VPS26B: variants seen among roughly 807,000 people sequenced by gnomAD.
The protein encoded by VPS26B is VPS26 retromer complex component B, also known as vacuolar protein sorting-associated protein 26B.
In VPS26B, 10 loss-of-function variants were observed where a neutral mutation model predicts 33.3. The observed-to-expected ratio is 0.30, with a 90% CI of 0.19 to 0.51. VPS26B has a LOEUF of 0.51. Among genes scored for constraint, VPS26B ranks in the 20% least tolerant of loss-of-function variants. The pLI, the probability that VPS26B is intolerant of heterozygous loss-of-function variation, is 0.98. For synonymous variants in VPS26B, 190 were observed against 176.9 expected (o/e 1.07, Z -0.59); for missense variants, 317 against 452.7 (o/e 0.70, Z 2.72).
intron 1 of VPS26B, among the ~76,000 whole-genome samples, chr11:134,231,357 G>A (rs995290070): frequency 2.6e-5 from 4 of 152,170 alleles, no homozygotes; most frequent in African/African-American, 9.7e-5. Context: ...ATTAAGATGA[G>A]GTGGATTGAT....
At chr11:134,232,166 C>T (rs34536650) in intron 1 of VPS26B, among the ~76,000 whole-genome samples, 5,717 of 149,130 alleles carry the variant, frequency 0.038, 121 homozygotes, top group Non-Finnish European at 0.051. Context: ...TAGCCTGACA[C>T]GTCTGGTCCC....
At position 134,244,843 on chromosome 11, in the gene VPS26B, A is replaced by G; in HGVS notation, c.722-95A>G. On this transcript the variant is annotated intron_variant, in intron 4 of 5. Coordinates refer to ENST00000281187, the MANE Select transcript of VPS26B (RefSeq NM_052875.5). The surrounding 1 kb of genome is among the most constrained non-coding windows in gnomAD (Gnocchi z 4.0). ...GAAGGCTGAAGTGCTCGTGTGCTGC[A>G]CTCCAGTGGCATCTCTGCAGTGGTC... 2 of 1,478,018 alleles carry G rather than the reference A, an allele frequency of 1.4e-6. No individual in the cohort carries two copies. Among genetic ancestry groups the G allele is most frequent in the South Asian group, 1.4e-5 (1 of 73,566 alleles). 91.6% of individuals were successfully genotyped at this position (1,478,018 alleles called of 1,614,324 possible). A position where few individuals can be genotyped will look rare whatever the true frequency, so the allele number is the denominator to read the frequency against.
chr11:134,239,790 T>G (rs772822496), intron 2 of VPS26B: 5 of 597,086 alleles, frequency 8.4e-6, no homozygotes, highest in African/African-American at 1.9e-5. Context: ...TCCCTAGAAT[T>G]GTGGTTGAAA....
chr11:134,244,860 G>A lies in VPS26B; in HGVS notation c.722-78G>A. On this transcript the variant is annotated intron_variant, in intron 4 of 5. Transcript: ENST00000281187. The surrounding 1 kb of genome is among the most constrained non-coding windows in gnomAD (Gnocchi z 4.0). ...TGTGCTGCACTCCAGTGGCATCTCT[G>A]CAGTGGTCAGAGTGACCTGGTATAA... 6.5e-7 allele frequency: 1 copy of A among 1,540,954 alleles called. No individual in the cohort carries two copies. The highest frequency in any genetic ancestry group is 8.7e-7 in the Non-Finnish European group (1 of 1,148,000).
Position 134,245,772 on chromosome 11 carries a change from G to A in VPS26B, c.*182G>A. On this transcript the variant is annotated 3_prime_UTR_variant, in exon 6 of 6. Coordinates refer to ENST00000281187, the MANE Select transcript of VPS26B (RefSeq NM_052875.5). The surrounding 1 kb of genome is among the most constrained non-coding windows in gnomAD (Gnocchi z 4.7). ...GAACCCAAGGGGCTTGGGGTGGGAA[G>A]CAGTCTCTCCTTGGGATTCTGCGGC... 1.2e-6 allele frequency: 1 copy of A among 815,346 alleles called. No individual in the cohort carries two copies. Among genetic ancestry groups the A allele is most frequent in the Non-Finnish European group, 1.9e-6 (1 of 536,538 alleles). The allele number at this position is 815,346 out of a possible 1,614,324, so 50.5% of individuals were successfully genotyped here. A position where few individuals can be genotyped will look rare whatever the true frequency, so the allele number is the denominator to read the frequency against.
chr11:134,241,129 T>C (rs943032468), intron 3 of VPS26B, among the ~76,000 whole-genome samples: 11 of 152,180 alleles, frequency 7.2e-5, no homozygotes, highest in African/African-American at 2.7e-4. Flanking sequence ...TTCCTGAGAA[T>C]GTTTGGAACT....
rs1938859345 is a variant in VPS26B at position 134,247,591 on chromosome 11, C to G, written c.*2001C>G. On this transcript the variant is annotated 3_prime_UTR_variant, in exon 6 of 6. Transcript: ENST00000281187. ...AGTGAGGGGAGGCTCCTGTCCCCCT[C>G]TCTTAAGGTCCCCAAACCTGGGAGT... is the stretch of plus-strand genomic sequence containing the variant. 6.5e-6 allele frequency: 1 copy of G among 152,718 alleles called. No homozygotes were observed. The highest frequency in any genetic ancestry group is 6.5e-5 in the Admixed American group (1 of 15,280). 9.5% of individuals were successfully genotyped at this position (152,718 alleles called of 1,614,324 possible).
At chr11:134,230,775 A>T (rs540569537) in intron 1 of VPS26B, among the ~76,000 whole-genome samples, 1 of 152,304 alleles carries the variant, frequency 6.6e-6, no homozygotes, top group East Asian at 1.9e-4. Flanking sequence ...TCCTGAGACT[A>T]TAATATCTTA....
intron 2 of VPS26B, 114 bp downstream of exon 2, chr11:134,235,167 G>A: frequency 7.4e-7 from 1 of 1,358,674 alleles, no homozygotes; most frequent in Non-Finnish European, 1.0e-6. Context: ...AAGGAAGAGT[G>A]TCGCGAGCTG....
In VPS26B at chr11:134,234,968, A is replaced by G; in HGVS notation, c.295A>G (p.Ile99Val). ...GAAGGACCTGGCCCGGCCTGGAGAG[A>G]TCACCCAGTCGCAGGCCTTCGACTT... ...LVKDLARPGE[I>V]TQSQAFDFEF... Residue 99 changes from isoleucine (I) to valine (V), a missense_variant, in exon 2 of 6, where the codon ATC becomes GTC. By Grantham distance (29) the Ile-to-Val change is conservative (BLOSUM62 3). Transcript: ENST00000281187. 6.2e-7 allele frequency: 1 copy of G among 1,614,140 alleles called. No individual in the cohort carries two copies. The highest frequency in any genetic ancestry group is 8.5e-7 in the Non-Finnish European group (1 of 1,180,022).
chr11:134,240,682 T>C lies in VPS26B; in HGVS notation c.545+527T>C, dbSNP rs555533288. On this transcript the variant is annotated intron_variant, in intron 3 of 5. Transcript: ENST00000281187. The surrounding 1 kb of genome is among the most constrained non-coding windows in gnomAD (Gnocchi z 4.4). ...GCCCAGTCATGGCTTACTACAGCCT[T>C]GACCTCCTAGACTCAAGCATTTCTC... is the stretch of plus-strand genomic sequence containing the variant. 7.2e-5 allele frequency among the ~76,000 whole-genome samples: 11 copies of C among 152,278 alleles called. No homozygotes were observed. The South Asian group carries it at 2.3e-3, about 32-fold the overall frequency.
In VPS26B at chr11:134,244,324, C is replaced by A. The variant is rs1207985143; in HGVS notation, c.722-614C>A. ...CTGCCCTAATTTTGTTCCACTGATA[C>A]TAGAAACGGTCTGATGTTAGAGCTG... is the stretch of plus-strand genomic sequence containing the variant. On this transcript the variant is annotated intron_variant, in intron 4 of 5. Coordinates refer to ENST00000281187, the MANE Select transcript of VPS26B (RefSeq NM_052875.5). This position sits in a 1 kb window ranked among gnomAD's most constrained non-coding sequence, Gnocchi z 4.0. 1.3e-5 allele frequency: 2 copies of A among 152,236 alleles called. No individual in the cohort carries two copies. The highest frequency in any genetic ancestry group is 4.8e-5 in the African/African-American group (2 of 41,444). 9.4% of individuals were successfully genotyped at this position (152,236 alleles called of 1,614,324 possible).
At position 134,239,928 on chromosome 11, in the gene VPS26B, C is replaced by T. The variant is rs573993432; in HGVS notation, c.381-63C>T. 1.2e-5 allele frequency: 20 copies of T among 1,601,630 alleles called. No homozygotes were observed. In the East Asian group the frequency reaches 4.2e-4, roughly 34 times the overall value. ...TTCTCTCAAGTGGGCCAATTTGGTA[C>T]CTATATCTAGGTAGCATCTGGAGAC... On this transcript the variant is annotated intron_variant, in intron 2 of 5. Coordinates refer to ENST00000281187, the MANE Select transcript of VPS26B (RefSeq NM_052875.5).
In VPS26B at chr11:134,247,616, T is replaced by G. The variant is rs1470743330; in HGVS notation, c.*2026T>G. ...CTCTTAAGGTCCCCAAACCTGGGAG[T>G]GCATAGGTACTAAATCAAGCAGTGC... On this transcript the variant is annotated 3_prime_UTR_variant, in exon 6 of 6. Coordinates refer to ENST00000281187, the MANE Select transcript of VPS26B (RefSeq NM_052875.5). 1 of 152,564 alleles carries G rather than the reference T, an allele frequency of 6.6e-6. No individual in the cohort carries two copies. Among genetic ancestry groups the G allele is most frequent in the Non-Finnish European group, 1.5e-5 (1 of 68,130 alleles). The allele number at this position is 152,564 out of a possible 1,614,324, so 9.5% of individuals were successfully genotyped here. A position where few individuals can be genotyped will look rare whatever the true frequency, so the allele number is the denominator to read the frequency against.
intron 2 of VPS26B, chr11:134,239,601 T>TCTTC: frequency 4.9e-6 from 1 of 202,736 alleles, no homozygotes; most frequent in Non-Finnish European, 1.0e-5. Flanking sequence ...AAGCCAGGAG[T>TCTTC]TAGCTGATGA....
At position 134,240,152 on chromosome 11, in the gene VPS26B, C is replaced by A; in HGVS notation, c.542C>A (p.Ser181Tyr). The change falls in exon 3 of 6, where the codon TCC (serine) becomes TAC (tyrosine). Residue 181 changes from serine to tyrosine, a missense_variant. Ser to Tyr is a moderately radical substitution (Grantham distance 144). Coordinates refer to ENST00000281187, the MANE Select transcript of VPS26B (RefSeq NM_052875.5). This position sits in a 1 kb window ranked among gnomAD's most constrained non-coding sequence, Gnocchi z 4.4. ...CLHIEFEYNK[S>Y]KYHLKDVIVG... ...CACATTGAATTTGAGTACAATAAAT[C>A]CAAGTAAGTGTCTCAGTGCCAAGGT... is the stretch of plus-strand genomic sequence containing the variant. The A allele has an allele frequency of 6.2e-7, 1 of 1,614,098 alleles. No individual in the cohort carries two copies. The highest frequency in any genetic ancestry group is 8.5e-7 in the Non-Finnish European group (1 of 1,179,998).
At chr11:134,231,211 C>T (rs1938550756) in intron 1 of VPS26B, among the ~76,000 whole-genome samples, 1 of 151,022 alleles carries the variant, frequency 6.6e-6, no homozygotes, top group Non-Finnish European at 1.5e-5. Context: ...CCAAAGCCAA[C>T]AGACATTATC....
chr11:134,245,140 C>T lies in VPS26B; in HGVS notation c.864+60C>T. 6.3e-7 allele frequency: 1 copy of T among 1,581,562 alleles called. No individual in the cohort carries two copies. Among genetic ancestry groups the T allele is most frequent in the South Asian group, 1.1e-5 (1 of 86,976 alleles). ...TGGGACAGAACAGGAGGCTCTCTTT[C>T]CTATGGAAGGTCAGACTCCATTTTT... On this transcript the variant is annotated intron_variant, in intron 5 of 5. Transcript: ENST00000281187. The surrounding 1 kb of genome is among the most constrained non-coding windows in gnomAD (Gnocchi z 4.7).
Position 134,245,487 on chromosome 11 carries a change from T to C in VPS26B, c.908T>C (p.Met303Thr), listed in dbSNP as rs1591488342. Residue 303 changes from methionine to threonine, a missense_variant, in exon 6 of 6, where the codon ATG (methionine) becomes ACG (threonine). Transcript: ENST00000281187. The surrounding 1 kb of genome is among the most constrained non-coding windows in gnomAD (Gnocchi z 4.7). ...AAGGGTGACATCGTACGGAAGAGCATGTCCCACCAGGCGGCCATCGCCTCA... is the reference window on the plus strand; with the variant it reads ...AAGGGTGACATCGTACGGAAGAGCACGTCCCACCAGGCGGCCATCGCCTCA... ...WRKGDIVRKS[M>T]SHQAAIASQR... 3 of 1,613,946 alleles carry C rather than the reference T, an allele frequency of 1.9e-6. No homozygotes were observed. Among genetic ancestry groups the C allele is most frequent in the Non-Finnish European group, 2.5e-6 (3 of 1,179,894 alleles).
Sources: gnomAD v4.1 joint callset for allele counts (sites outside exome capture counted in the v4.1 genomes callset) on GRCh38, gnomAD v4.1.1 for gene constraint, Gnocchi (gnomAD v3.1) non-coding constraint, MANE v1.5 for transcripts, NCBI Gene and HGNC (gene_info 2026-07-23, HGNC 2026-07-21) for gene names.